Variants in KCNIP4 observed in about 807,000 individuals in gnomAD.
The protein encoded by KCNIP4 is potassium voltage-gated channel interacting protein 4.
In KCNIP4, 12 loss-of-function variants were observed where a neutral mutation model predicts 34.0. That is an observed-to-expected ratio of 0.35 (90% CI 0.23 to 0.57). The LOEUF (loss-of-function observed/expected upper bound fraction) is 0.57, where lower values mean the gene tolerates loss of function less well. KCNIP4 is among the 20% of genes least tolerant of loss of function. The probability of loss-of-function intolerance (pLI) is 0.83; values close to 1 mark genes in which losing one functional copy is unlikely to be tolerated. For missense variants in KCNIP4, 238 were observed against 311.7 expected (o/e 0.76, Z 1.78); for synonymous variants, 124 against 102.2 (o/e 1.21, Z -1.29).
At chr4:21,704,467 A>G (rs2109067016) in intron 1 of KCNIP4, among the ~76,000 whole-genome samples, 1 of 152,260 alleles carries the variant, frequency 6.6e-6, no homozygotes, top group African/African-American at 2.4e-5. Context: ...TTATCTGACA[A>G]AGGATTTGTA....
chr4:21,850,434 G>A (rs537546979), intron 1 of KCNIP4: 2 of 152,080 alleles, frequency 1.3e-5, no homozygotes, highest in South Asian at 2.1e-4. Context: ...TTAATGGCAT[G>A]GGACCAGTGG....
rs10049965 is a variant in KCNIP4 at position 21,664,356 on chromosome 4, A to C, written c.61+284215T>G. ...GCTCTGCAGTAGATAGACCTGTCAAACAAAAAACAGAGGCAACCAAAACAA... is the reference window on the plus strand; with the variant it reads ...GCTCTGCAGTAGATAGACCTGTCAACCAAAAAACAGAGGCAACCAAAACAA... On this transcript the variant is annotated intron_variant, in intron 1 of 8. Transcript: ENST00000382152. Among the ~76,000 whole-genome samples, 9 of 151,850 alleles carry C rather than the reference A, an allele frequency of 5.9e-5. No homozygotes were observed. In the South Asian group the frequency reaches 1.9e-3, roughly 32 times the overall value.
chr4:21,137,812 A>G (rs998126501), intron 1 of KCNIP4, among the ~76,000 whole-genome samples: 1 of 151,904 alleles, frequency 6.6e-6, no homozygotes, highest in Non-Finnish European at 1.5e-5. Flanking sequence ...ACACGTTTAG[A>G]AATAATAGTT....
At position 21,921,964 on chromosome 4, in the gene KCNIP4, C is replaced by T. The variant is rs190970843; in HGVS notation, c.61+26607G>A. 3.9e-5 allele frequency among the ~76,000 whole-genome samples: 6 copies of T among 152,284 alleles called. No homozygotes were observed. The East Asian group carries it at 9.7e-4, about 25-fold the overall frequency. On this transcript the variant is annotated intron_variant, in intron 1 of 8. Transcript: ENST00000382152. ...ATCCAAATGCAGCCTCCAAGGTTCT[C>T]CCTGGGTGATCCGGCTCCCACCTAC...
chr4:21,007,754 C>T (rs1738701776), intron 1 of KCNIP4, among the ~76,000 whole-genome samples: 1 of 152,116 alleles, frequency 6.6e-6, no homozygotes, highest in African/African-American at 2.4e-5. Context: ...AAAGGGAAGC[C>T]CTGATTTTGA....
chr4:21,291,901 AAG>A (rs1560260008), intron 1 of KCNIP4, among the ~76,000 whole-genome samples: 3 of 85,964 alleles, frequency 3.5e-5, no homozygotes, highest in African/African-American at 2.8e-4. Flanking sequence ...GAAAGAAAGA[AAG>A]AAAGAAAGAA....
chr4:20,984,140 T>G (rs1736353585), intron 1 of KCNIP4: 4 of 650,962 alleles, frequency 6.1e-6, no homozygotes, highest in Non-Finnish European at 9.9e-6. Flanking sequence ...GGCATTTGGC[T>G]GGCGGGGCTT....
chr4:21,411,974 G>A (rs2109591615), intron 1 of KCNIP4, among the ~76,000 whole-genome samples: 1 of 152,338 alleles, frequency 6.6e-6, no homozygotes, highest in South Asian at 2.1e-4. Flanking sequence ...AAAGGAGGAA[G>A]AGGAAGAGCT....
intron 1 of KCNIP4, among the ~76,000 whole-genome samples, chr4:21,937,345 C>A (rs1258941910): frequency 6.6e-6 from 1 of 152,032 alleles, no homozygotes; most frequent in South Asian, 2.1e-4. Context: ...CATCTTTCTC[C>A]CCCACAACAG....
intron 1 of KCNIP4, among the ~76,000 whole-genome samples, chr4:21,289,146 T>C (rs1763289374): frequency 6.6e-6 from 1 of 152,212 alleles, no homozygotes; most frequent in African/African-American, 2.4e-5. Context: ...AACCATAGCA[T>C]GTTTTTATTA....
chr4:21,174,765 C>T (rs530245393), intron 1 of KCNIP4, among the ~76,000 whole-genome samples: 4 of 152,006 alleles, frequency 2.6e-5, no homozygotes, highest in African/African-American at 9.6e-5. Context: ...ATTAGCCAGG[C>T]CTGGTGGTGC....
intron 1 of KCNIP4, among the ~76,000 whole-genome samples, chr4:21,122,453 T>C (rs996814367): frequency 7.4e-6 from 1 of 135,392 alleles, no homozygotes; most frequent in Non-Finnish European, 1.6e-5. Context: ...TTTTTGCAGA[T>C]CAAGTTTTTT....
At chr4:20,886,342 G>A (rs965500589) in intron 1 of KCNIP4, among the ~76,000 whole-genome samples, 2 of 152,226 alleles carry the variant, frequency 1.3e-5, no homozygotes, top group Admixed American at 6.5e-5. Context: ...TCACTGAGCT[G>A]AAGTGGCAGA....
intron 1 of KCNIP4, among the ~76,000 whole-genome samples, chr4:21,561,925 G>C (rs1192390170): frequency 6.6e-6 from 1 of 151,926 alleles, no homozygotes; most frequent in Admixed American, 6.6e-5. Flanking sequence ...GTAAACGTAT[G>C]ACCCAGATCT....
At chr4:21,224,587 T>TTTTG (rs1758229317) in intron 1 of KCNIP4, among the ~76,000 whole-genome samples, 1 of 133,140 alleles carries the variant, frequency 7.5e-6, no homozygotes, top group African/African-American at 3.0e-5. Flanking sequence ...TGTTTTTTTT[T>TTTTG]TTTTTTTTTT....
At chr4:21,411,599 G>T (rs766578625) in intron 1 of KCNIP4, among the ~76,000 whole-genome samples, 1 of 152,108 alleles carries the variant, frequency 6.6e-6, no homozygotes, top group Non-Finnish European at 1.5e-5. Context: ...TGGATCGCTG[G>T]AGCCCAGGAG....
intron 1 of KCNIP4, among the ~76,000 whole-genome samples, chr4:21,626,588 A>C (rs1427229075): frequency 6.6e-6 from 1 of 151,992 alleles, no homozygotes; most frequent in Admixed American, 6.6e-5. Context: ...TTGTTATGGC[A>C]GCCCAAGCAG....
chr4:21,074,762 C>A (rs927138488), intron 1 of KCNIP4, among the ~76,000 whole-genome samples: 1 of 152,118 alleles, frequency 6.6e-6, no homozygotes, highest in South Asian at 2.1e-4. Flanking sequence ...CCTGCTTTCT[C>A]TTGTGGGCAT....
At chr4:21,379,121 T>C (rs1034532197) in intron 1 of KCNIP4, among the ~76,000 whole-genome samples, 2 of 152,218 alleles carry the variant, frequency 1.3e-5, no homozygotes, top group Non-Finnish European at 2.9e-5. Context: ...TTATGTTACA[T>C]CTTATTTTTG....
Sources: gnomAD v4.1 joint callset for allele counts (sites outside exome capture counted in the v4.1 genomes callset) on GRCh38, gnomAD v4.1.1 for gene constraint, MANE v1.5 for transcripts, NCBI Gene and HGNC (gene_info 2026-07-23, HGNC 2026-07-21) for gene names.